The following ABL1 variants were observed in gnomAD, a reference collection of about 807,000 sequenced individuals.
The protein encoded by ABL1 is ABL proto-oncogene 1, non-receptor tyrosine kinase.
Under a neutral mutation model 94.7 loss-of-function variants are expected in ABL1, and 11 were observed. That is an observed-to-expected ratio of 0.12 (90% CI 0.07 to 0.19). The LOEUF (loss-of-function observed/expected upper bound fraction) is 0.19. Ranked by LOEUF, ABL1 falls within the 10% of genes least tolerant of loss-of-function variation. The probability of loss-of-function intolerance (pLI) is 1.00; values close to 1 mark genes in which losing one functional copy is unlikely to be tolerated. For missense variants in ABL1, 1,082 were observed against 1,489.4 expected (o/e 0.73, Z 4.50); for synonymous variants, 656 against 622.4 (o/e 1.05, Z -0.80).
chr9:130,750,180 A>G (rs929734358), intron 1 of ABL1, among the ~76,000 whole-genome samples: 2 of 129,372 alleles, frequency 1.5e-5, no homozygotes, highest in African/African-American at 5.8e-5. Flanking sequence ...CTGACTCAAG[A>G]AAAAAAAAAT....
At chr9:130,758,685 G>A (rs571167157) in intron 1 of ABL1, among the ~76,000 whole-genome samples, 4 of 152,088 alleles carry the variant, frequency 2.6e-5, no homozygotes, top group South Asian at 2.1e-4. Flanking sequence ...CATCCACCTC[G>A]GCCTCCCAAA....
chr9:130,818,140 T>G (rs1321906648), intron 1 of ABL1, among the ~76,000 whole-genome samples: 1 of 152,188 alleles, frequency 6.6e-6, no homozygotes, highest in Non-Finnish European at 1.5e-5. Flanking sequence ...CTTAACAGTA[T>G]CTTTAGAACA....
intron 1 of ABL1, among the ~76,000 whole-genome samples, chr9:130,743,513 A>G (rs1205596488): frequency 1.3e-5 from 2 of 152,202 alleles, no homozygotes; most frequent in South Asian, 2.1e-4. Flanking sequence ...GAGTGGCTAT[A>G]GATTCTAGCC....
At chr9:130,871,590 A>C (rs936664893) in intron 4 of ABL1, among the ~76,000 whole-genome samples, 1 of 152,252 alleles carries the variant, frequency 6.6e-6, no homozygotes, top group Non-Finnish European at 1.5e-5. Context: ...GTGCCAGAAT[A>C]GTTCAGCATC....
intron 1 of ABL1, among the ~76,000 whole-genome samples, chr9:130,809,381 TGAGAGAGAGA>T (rs370101656): frequency 0.02 from 2,616 of 132,634 alleles, 91 homozygotes; most frequent in African/African-American, 0.068. Context: ...TGAAGGTTCT[TGAGAGAGAGA>T]GAGAGAGAGA....
chr9:130,819,011 CCTCT>C (rs1334387955), intron 1 of ABL1, among the ~76,000 whole-genome samples: 2 of 151,932 alleles, frequency 1.3e-5, no homozygotes, highest in African/African-American at 4.8e-5. Flanking sequence ...TCTGATTCTC[CCTCT>C]CTCTCAGCTT....
Position 130,786,557 on chromosome 9 carries a change from C to A in ABL1, c.137-67507C>A, listed in dbSNP as rs186955792. 2.6e-5 allele frequency among the ~76,000 whole-genome samples: 4 copies of A among 152,308 alleles called. No individual in the cohort carries two copies. The South Asian group carries it at 6.2e-4, about 24-fold the overall frequency. Reference sequence around the variant, plus strand: ...CTGTCTCCTGACTGGTACATCACCTCTTCCTCGGAATTTGCGGGCAGGGAA... The same window carrying A: ...CTGTCTCCTGACTGGTACATCACCTATTCCTCGGAATTTGCGGGCAGGGAA... On this transcript the variant is annotated intron_variant, in intron 1 of 10. Coordinates refer to the ABL1 transcript ENST00000372348.
rs78762396 is a variant in ABL1 at position 130,835,751 on chromosome 9, T to C, written c.79+226T>C. 6.6e-6 allele frequency among the ~76,000 whole-genome samples: 1 copy of C among 151,664 alleles called. No individual in the cohort carries two copies. The highest frequency in any genetic ancestry group is 1.5e-5 in the Non-Finnish European group (1 of 67,908). On this transcript the variant is annotated intron_variant, in intron 1 of 10. Transcript: ENST00000318560. This position sits in a 1 kb window ranked among gnomAD's most constrained non-coding sequence, Gnocchi z 4.6. ...CTTTTCTCTTCTCTTGTCTCTCTCT[T>C]TTTCTCTCTCTCTGTCTCTTTCTCT...
chr9:130,858,374 C>T (rs1831008656), intron 3 of ABL1, among the ~76,000 whole-genome samples: 1 of 152,116 alleles, frequency 6.6e-6, no homozygotes, highest in Non-Finnish European at 1.5e-5. Flanking sequence ...AGGTAGAGCA[C>T]AGGGAGCTTA....
intron 1 of ABL1, among the ~76,000 whole-genome samples, chr9:130,776,416 C>G (rs772487045): frequency 2.0e-5 from 3 of 152,122 alleles, no homozygotes; most frequent in Non-Finnish European, 4.4e-5. Context: ...GCCAACATGG[C>G]GAAACCCCGT....
chr9:130,877,293 ATCT>A (rs1375394498), intron 7 of ABL1, among the ~76,000 whole-genome samples: 1 of 148,428 alleles, frequency 6.7e-6, no homozygotes, highest in Non-Finnish European at 1.5e-5. Flanking sequence ...TCTCTAAGGA[ATCT>A]TATCCTTTAA....
chr9:130,851,226 C>A (rs1453913517), intron 1 of ABL1, among the ~76,000 whole-genome samples: 1 of 152,038 alleles, frequency 6.6e-6, no homozygotes. Context: ...ACTTTTAGAG[C>A]CAATGTAAAT....
At position 130,751,129 on chromosome 9, in the gene ABL1, C is replaced by CTTTTTTTTTTTTTTTTTT. The variant is rs60206110; in HGVS notation, c.136+36687_136+36704dup. ...TTTGAAACTTGTTTTTTTTATTCAG[C>CTTTTTTTTTTTTTTTTTT]TTTTTTTTTTTTTTTTTTTTTTTTT... On this transcript the variant is annotated intron_variant, in intron 1 of 10. Coordinates refer to the ABL1 transcript ENST00000372348. Among the ~76,000 whole-genome samples the CTTTTTTTTTTTTTTTTTT allele has an allele frequency of 2.6e-4, 15 of 57,488 alleles. 2 individuals are homozygous for CTTTTTTTTTTTTTTTTTT. The highest frequency in any genetic ancestry group is 1.4e-3 in the East Asian group (2 of 1,452). The allele number at this position is 57,488 out of a possible 152,430, so 37.7% of individuals were successfully genotyped here.
At chr9:130,861,102 C>T (rs551403897) in intron 3 of ABL1, among the ~76,000 whole-genome samples, 129 of 152,322 alleles carry the variant, frequency 8.5e-4, no homozygotes, top group Non-Finnish European at 1.3e-3. Context: ...AGAATAAAAG[C>T]AGGGCCGCCA....
intron 1 of ABL1, among the ~76,000 whole-genome samples, chr9:130,728,890 G>A (rs751822111): frequency 1.3e-5 from 2 of 151,966 alleles, no homozygotes; most frequent in Non-Finnish European, 2.9e-5. Context: ...CTGCATTTTT[G>A]CATGTTAAAT....
intron 1 of ABL1, among the ~76,000 whole-genome samples, chr9:130,734,457 C>T (rs1261086752): frequency 5.3e-5 from 8 of 151,246 alleles, no homozygotes; most frequent in Admixed American, 1.3e-4. Flanking sequence ...CCTCGTGATC[C>T]GCCCGCCTTG....
In ABL1 at chr9:130,884,454, G is replaced by T. The variant is rs372281632; in HGVS notation, c.2164G>T (p.Val722Phe). Residue 722 changes from valine (V) to phenylalanine (F), a missense_variant, in exon 11 of 11, where the codon GTT becomes TTT. Val to Phe is a conservative substitution (Grantham distance 50). Around this residue, in one of 7 missense-constraint regions of ABL1, gnomAD observed 780 missense variants for 835.8 expected, o/e 0.93. Coordinates refer to ENST00000318560, the MANE Select transcript of ABL1 (RefSeq NM_005157.6). The surrounding 1 kb of genome is among the most constrained non-coding windows in gnomAD (Gnocchi z 5.6). ...CCTGCGCTCTTGCTCCGCCTCCTGCGTTCCCCATGGGGCCAAGGACACGGA... is the reference window on the plus strand; with the variant it reads ...CCTGCGCTCTTGCTCCGCCTCCTGCTTTCCCCATGGGGCCAAGGACACGGA... ...RFLRSCSASC[V>F]PHGAKDTEWR... 3 of 1,612,844 alleles carry T rather than the reference G, an allele frequency of 1.9e-6. No homozygotes were observed. The South Asian group carries it at 3.3e-5, about 18-fold the overall frequency.
intron 1 of ABL1, among the ~76,000 whole-genome samples, chr9:130,734,328 C>T (rs1048898161): frequency 1.3e-5 from 2 of 151,342 alleles, no homozygotes; most frequent in African/African-American, 2.4e-5. Flanking sequence ...ATTCTCCTGC[C>T]TCAGCCTCCC....
intron 1 of ABL1, among the ~76,000 whole-genome samples, chr9:130,735,961 A>ATATATATATATATTTTTT (rs573602038): frequency 8.4e-5 from 8 of 94,840 alleles, no homozygotes; most frequent in African/African-American, 4.5e-4. Context: ...ATATATATAT[A>ATATATATATATATTTTTT]TTTTTTTTTT....
Sources: allele counts gnomAD v4.1 joint callset (sites outside exome capture counted in the v4.1 genomes callset), GRCh38; gene constraint gnomAD v4.1.1; regional missense constraint gnomAD v4.1.1; non-coding constraint Gnocchi (gnomAD v3.1); transcripts MANE v1.5; gene names NCBI Gene and HGNC (gene_info 2026-07-23, HGNC 2026-07-21).